Variants in RYR2 observed in about 807,000 individuals in gnomAD.
The protein encoded by RYR2 is cardiac muscle ryanodine receptor-calcium release channel.
A neutral mutation model predicts 601.1 loss-of-function variants in RYR2; 227 were observed. The ratio of observed to expected loss-of-function variants is 0.38; its 90% CI spans 0.34 to 0.42. RYR2 has a LOEUF of 0.42. Ranked by LOEUF, RYR2 falls within the 10% of genes least tolerant of loss-of-function variation. The pLI, the probability that RYR2 is intolerant of heterozygous loss-of-function variation, is 1.00. For missense variants in RYR2, 4,646 were observed against 6,156.5 expected, an observed-to-expected ratio of 0.75 and a Z score of 8.21; for synonymous variants, 2,223 against 2,175.1, an observed-to-expected ratio of 1.02 and a Z score of -0.61.
chr1:237,059,981 G>T (rs1662646342), intron 1 of RYR2, among the ~76,000 whole-genome samples: 1 of 152,130 alleles, frequency 6.6e-6, no homozygotes, highest in Non-Finnish European at 1.5e-5. Context: ...TTTCCACATA[G>T]TTATTAATAA....
chr1:237,215,023 C>G (rs566151664), intron 1 of RYR2, among the ~76,000 whole-genome samples: 3 of 152,274 alleles, frequency 2.0e-5, no homozygotes, highest in African/African-American at 7.2e-5. Context: ...ATGAAGTCAA[C>G]TCGGAGAAGG....
At chr1:237,725,770 C>T (rs1690141639) in intron 74 of RYR2, among the ~76,000 whole-genome samples, 1 of 152,064 alleles carries the variant, frequency 6.6e-6, no homozygotes, top group African/African-American at 2.4e-5. Context: ...TGATAAGCTT[C>T]CTGGTGGCAG....
At chr1:237,491,542 G>T (rs1359537712) in intron 17 of RYR2, among the ~76,000 whole-genome samples, 1 of 152,106 alleles carries the variant, frequency 6.6e-6, no homozygotes, top group African/African-American at 2.4e-5. Context: ...CCCTCCTTCG[G>T]GTAGCGTTAC....
chr1:237,639,797 C>T (rs1681272835), intron 46 of RYR2, among the ~76,000 whole-genome samples: 1 of 152,054 alleles, frequency 6.6e-6, no homozygotes, highest in South Asian at 2.1e-4. Context: ...AGGTGAATGT[C>T]CTCCAGCGGG....
At chr1:237,263,223 T>G (rs150617302) in intron 1 of RYR2, among the ~76,000 whole-genome samples, 23 of 152,284 alleles carry the variant, frequency 1.5e-4, no homozygotes, top group African/African-American at 5.3e-4. Context: ...GATTGGAAAT[T>G]AAATAAGATC....
intron 63 of RYR2, among the ~76,000 whole-genome samples, chr1:237,691,978 T>C (rs911911573): frequency 1.3e-5 from 2 of 152,150 alleles, no homozygotes; most frequent in East Asian, 3.9e-4. Context: ...GCCTAGAAAT[T>C]CTGATTACTA....
At chr1:237,298,218 C>G (rs757954569) in intron 2 of RYR2, among the ~76,000 whole-genome samples, 2 of 152,100 alleles carry the variant, frequency 1.3e-5, no homozygotes, top group Admixed American at 1.3e-4. Context: ...CATCAGCTCT[C>G]CCATCACCTG....
chr1:237,762,783 T>C (rs1013939432), intron 84 of RYR2, among the ~76,000 whole-genome samples: 1 of 152,224 alleles, frequency 6.6e-6, no homozygotes, highest in African/African-American at 2.4e-5. Flanking sequence ...TAACACGTTT[T>C]GTATTATTTC....
intron 4 of RYR2, among the ~76,000 whole-genome samples, chr1:237,356,447 A>G (rs1313349021): frequency 1.4e-5 from 2 of 147,206 alleles, no homozygotes; most frequent in South Asian, 2.1e-4. Context: ...TTTTTTTGGT[A>G]TAGATGGAGT....
At chr1:237,248,270 C>CCCCCCCCA in intron 1 of RYR2, among the ~76,000 whole-genome samples, 1 of 77,274 alleles carries the variant, frequency 1.3e-5, no homozygotes, top group Admixed American at 1.1e-4. Flanking sequence ...AGACTCCACC[C>CCCCCCCCA]CCCGCAACCC....
rs547170850 is a variant in RYR2 at position 237,717,418 on chromosome 1, C to G, written c.10494+50C>G. On this transcript the variant is annotated intron_variant, in intron 72 of 104. Coordinates refer to ENST00000366574, the MANE Select transcript of RYR2 (RefSeq NM_001035.3). ...GTAATGATCATCTGACCTCCAGACT[C>G]TCAGTGTTTGATTCCTTTGTCTCAC... 7.0e-6 allele frequency: 10 copies of G among 1,435,256 alleles called. No individual in the cohort carries two copies. In the Admixed American group the frequency reaches 1.6e-4, roughly 22 times the overall value. The allele number at this position is 1,435,256 out of a possible 1,614,324, so 88.9% of individuals were successfully genotyped here. A position where few individuals can be genotyped will look rare whatever the true frequency, so the allele number is the denominator to read the frequency against.
intron 2 of RYR2, among the ~76,000 whole-genome samples, chr1:237,296,668 A>T (rs1692812842): frequency 6.6e-6 from 1 of 152,162 alleles, no homozygotes; most frequent in Admixed American, 6.6e-5. Context: ...CTGGTGACAT[A>T]GATGTGAGAG....
rs140998248 is a variant in RYR2 at position 237,374,708 on chromosome 1, A to C, written c.385-9A>C. On this transcript the variant is annotated splice_polypyrimidine_tract_variant and intron_variant, in intron 6 of 104. Transcript: ENST00000366574. ...CTCTACTTACAACTACTGATTTTGT[A>C]CTTTGTAGTATCTGTGCTGCCTGTC... 220 of 1,607,614 alleles carry C rather than the reference A, an allele frequency of 1.4e-4. No individual in the cohort carries two copies. The African/African-American group carries it at 2.3e-3, about 17-fold the overall frequency.
chr1:237,145,083 TA>T (rs750495067), intron 1 of RYR2, among the ~76,000 whole-genome samples: 3 of 150,732 alleles, frequency 2.0e-5, no homozygotes, highest in Non-Finnish European at 4.4e-5. Context: ...TTGGGGGAGC[TA>T]GGGGAGGGAT....
At chr1:237,313,580 A>G (rs1694790464) in intron 2 of RYR2, among the ~76,000 whole-genome samples, 1 of 152,216 alleles carries the variant, frequency 6.6e-6, no homozygotes, top group Non-Finnish European at 1.5e-5. Flanking sequence ...GAAAGAATCA[A>G]TCTTGATCAT....
At chr1:237,750,288 C>CA (rs1692437605) in intron 80 of RYR2, among the ~76,000 whole-genome samples, 1 of 151,790 alleles carries the variant, frequency 6.6e-6, no homozygotes, top group African/African-American at 2.4e-5. Flanking sequence ...TATTGAAAGA[C>CA]AAAGAGTAGG....
At chr1:237,105,329 T>TCGTAAGTA (rs1289811075) in intron 1 of RYR2, among the ~76,000 whole-genome samples, 3 of 152,056 alleles carry the variant, frequency 2.0e-5, no homozygotes, top group African/African-American at 7.2e-5. Flanking sequence ...TGTTAGAAGA[T>TCGTAAGTA]CGTAAGTACT....
intron 8 of RYR2, among the ~76,000 whole-genome samples, chr1:237,378,777 T>G (rs752384603): frequency 2.0e-5 from 3 of 152,240 alleles, no homozygotes; most frequent in Admixed American, 1.3e-4. Flanking sequence ...AATTCCAGAT[T>G]TGAAACATTT....
At chr1:237,119,424 A>G (rs112804100) in intron 1 of RYR2, among the ~76,000 whole-genome samples, 1,812 of 152,188 alleles carry the variant, frequency 0.012, 36 homozygotes, top group African/African-American at 0.041. Context: ...GTGTGTGTGC[A>G]TGTGTGTGCG....
Sources: allele counts gnomAD v4.1 joint callset (sites outside exome capture counted in the v4.1 genomes callset), GRCh38; gene constraint gnomAD v4.1.1; transcripts MANE v1.5; gene names NCBI Gene and HGNC (gene_info 2026-07-23, HGNC 2026-07-21).